The following BCAS1 variants were observed in gnomAD, a reference collection of about 807,000 sequenced individuals.
BCAS1 encodes breast carcinoma-amplified sequence 1.
In BCAS1, 46 loss-of-function variants were observed where a neutral mutation model predicts 65.4. The ratio of observed to expected loss-of-function variants is 0.70; its 90% CI spans 0.55 to 0.90. The LOEUF (loss-of-function observed/expected upper bound fraction) is 0.90, where lower values mean the gene tolerates loss of function less well. BCAS1 is among the 40% of genes least tolerant of loss of function. The pLI is 0.00. For synonymous variants in BCAS1, 298 were observed against 293.5 expected (o/e 1.02, Z -0.16); for missense variants, 793 against 771.2 (o/e 1.03, Z -0.33).
At chr20:54,055,827 TACAC>T (rs1601018127) in intron 3 of BCAS1, among the ~76,000 whole-genome samples, 1 of 152,076 alleles carries the variant, frequency 6.6e-6, no homozygotes, top group African/African-American at 2.4e-5. Flanking sequence ...TGTGTGTAAA[TACAC>T]ACACACAACA....
chr20:53,968,261 C>T (rs1184578717), intron 9 of BCAS1, among the ~76,000 whole-genome samples: 1 of 152,148 alleles, frequency 6.6e-6, no homozygotes, highest in Non-Finnish European at 1.5e-5. Flanking sequence ...TACTATCTGG[C>T]CCTTTAAACC....
rs2089593554 is a variant in BCAS1 at position 53,953,452 on chromosome 20, C to T, written c.1795G>A (p.Gly599Arg). The T allele has an allele frequency of 6.2e-7, 1 of 1,613,940 alleles. No homozygotes were observed. The highest frequency in any genetic ancestry group is 1.1e-5 in the South Asian group (1 of 91,080). ...KRPEKRQQSLGGFFKGLGPKR... is the reference protein window; with the variant it reads ...KRPEKRQQSLRGFFKGLGPKR... The stretch of plus-strand genomic sequence containing the variant: ...CCTACCAGGCCTTTAAAGAAGCCCC[C>T]AAGGGACTGCTGCCGCTTCTCAGGT... Residue 599 changes from glycine (G) to arginine (R), a missense_variant, in exon 12 of 13, where the codon GGG becomes AGG. Transcript: ENST00000688948.
chr20:54,026,355 T>G (rs917047245), intron 4 of BCAS1, among the ~76,000 whole-genome samples: 16 of 152,226 alleles, frequency 1.1e-4, no homozygotes, highest in African/African-American at 3.9e-4. Context: ...AAAGCTGAGT[T>G]AATAAATCAC....
rs114707707 is a variant in BCAS1, at chr20:54,022,080, G to A, written c.723+6312C>T. Reference sequence around the variant, plus strand: ...AAGCACAATAAAGAGAGGTACTCCTGCATACTTGGAATCATGTTAAAACCA... The same window carrying A: ...AAGCACAATAAAGAGAGGTACTCCTACATACTTGGAATCATGTTAAAACCA... On this transcript the variant is annotated intron_variant, in intron 4 of 12. Coordinates refer to ENST00000688948, the MANE Select transcript of BCAS1 (RefSeq NM_001366298.2). Among the ~76,000 whole-genome samples the A allele has an allele frequency of 2.9e-3, 449 of 152,232 alleles. 2 individuals carry two copies. The highest frequency in any genetic ancestry group is 0.01 in the African/African-American group (431 of 41,526).
intron 1 of BCAS1, among the ~76,000 whole-genome samples, chr20:54,066,833 T>C (rs1214288282): frequency 6.6e-6 from 1 of 152,220 alleles, no homozygotes; most frequent in Non-Finnish European, 1.5e-5. Context: ...AGCTGACTAA[T>C]ACAGATCATC....
At chr20:53,949,943 G>C (rs573703220) in intron 12 of BCAS1, among the ~76,000 whole-genome samples, 104 of 152,228 alleles carry the variant, frequency 6.8e-4, no homozygotes, top group African/African-American at 2.5e-3. Flanking sequence ...ACTTCTTCAG[G>C]AATCACCAGG....
At chr20:54,019,651 A>C (rs1463890556) in intron 4 of BCAS1, among the ~76,000 whole-genome samples, 1 of 152,184 alleles carries the variant, frequency 6.6e-6, no homozygotes, top group Admixed American at 6.5e-5. Flanking sequence ...GTGGGTGGGC[A>C]CCTTCCAATC....
intron 3 of BCAS1, among the ~76,000 whole-genome samples, chr20:54,041,083 C>A (rs1054354404): frequency 7.3e-5 from 11 of 151,252 alleles, no homozygotes; most frequent in African/African-American, 2.7e-4. Flanking sequence ...ACACAAAAAG[C>A]AAAATATTGT....
intron 4 of BCAS1, among the ~76,000 whole-genome samples, chr20:54,005,302 C>CAAAAACAAAACAAAACAAAACAAAACAAA (rs2091158202): frequency 4.5e-5 from 2 of 44,290 alleles, no homozygotes; most frequent in African/African-American, 1.4e-4. Context: ...TGAAACAAAG[C>CAAAAACAAAACAAAACAAAACAAAACAAA]AAAAACAAAA....
chr20:53,974,436 A>G (rs1229353024), intron 9 of BCAS1, among the ~76,000 whole-genome samples: 6 of 152,220 alleles, frequency 3.9e-5, no homozygotes, highest in African/African-American at 1.4e-4. Flanking sequence ...TTTTCTTCCA[A>G]TAAGAATCAT....
chr20:53,981,481 C>T (rs2145746302), intron 8 of BCAS1, among the ~76,000 whole-genome samples: 1 of 151,928 alleles, frequency 6.6e-6, no homozygotes, highest in East Asian at 1.9e-4. Flanking sequence ...TACTAAATTG[C>T]AAATTTCGTT....
intron 4 of BCAS1, among the ~76,000 whole-genome samples, chr20:54,009,789 T>G (rs1370011668): frequency 6.6e-6 from 1 of 152,172 alleles, no homozygotes; most frequent in East Asian, 1.9e-4. Flanking sequence ...AATACCCTAC[T>G]GATCAATATG....
intron 12 of BCAS1, among the ~76,000 whole-genome samples, chr20:53,951,069 T>C (rs931054261): frequency 2.0e-5 from 3 of 152,242 alleles, no homozygotes; most frequent in African/African-American, 7.2e-5. Flanking sequence ...TTTTCAGCCT[T>C]CGTACCTATT....
chr20:53,973,204 G>C (rs1165783953), intron 9 of BCAS1, among the ~76,000 whole-genome samples: 1 of 152,178 alleles, frequency 6.6e-6, no homozygotes, highest in East Asian at 1.9e-4. Context: ...ACTCCAGCCT[G>C]GGTGAAAAGA....
chr20:53,968,673 C>T (rs940458079), intron 9 of BCAS1, among the ~76,000 whole-genome samples: 9 of 152,118 alleles, frequency 5.9e-5, no homozygotes, highest in African/African-American at 1.4e-4. Context: ...TAAACAAAAA[C>T]GGAAGTTGGG....
intron 3 of BCAS1, among the ~76,000 whole-genome samples, chr20:54,035,100 G>A (rs902278361): frequency 6.6e-6 from 1 of 151,252 alleles, no homozygotes; most frequent in Non-Finnish European, 1.5e-5. Flanking sequence ...GATTAAAGCT[G>A]GACCCCTTCC....
chr20:53,951,262 C>T (rs1174621682), intron 12 of BCAS1, among the ~76,000 whole-genome samples: 3 of 152,066 alleles, frequency 2.0e-5, no homozygotes, highest in Admixed American at 1.3e-4. Context: ...CACTCGAGCT[C>T]GGGAGTTCGA....
intron 10 of BCAS1, among the ~76,000 whole-genome samples, chr20:53,965,791 T>C (rs2090010196): frequency 6.6e-6 from 1 of 152,190 alleles, no homozygotes; most frequent in Non-Finnish European, 1.5e-5. Context: ...ATATTCTTTA[T>C]GTAAACAAAT....
rs1193060471 is a variant in BCAS1, at chr20:54,051,642, G to A, written c.142+6443C>T. The stretch of plus-strand genomic sequence containing the variant: ...AAGACACCCTTCTAACATAGCAAAT[G>A]ATCTTTCCCCCCATTCTTTATTGAA... On this transcript the variant is annotated intron_variant, in intron 3 of 12. Transcript: ENST00000688948. 5.3e-5 allele frequency among the ~76,000 whole-genome samples: 8 copies of A among 152,104 alleles called. 1 individual carries two copies. Among genetic ancestry groups the A allele is most frequent in the African/African-American group, 1.9e-4 (8 of 41,392 alleles).
Sources: gnomAD v4.1 joint callset for allele counts (sites outside exome capture counted in the v4.1 genomes callset) on GRCh38, gnomAD v4.1.1 for gene constraint, MANE v1.5 for transcripts, NCBI Gene and HGNC (gene_info 2026-07-23, HGNC 2026-07-21) for gene names.